The following SRGAP3 variants were observed in gnomAD, a reference collection of about 807,000 sequenced individuals.
The protein encoded by SRGAP3 is SLIT-ROBO Rho GTPase activating protein 3, also known as SLIT-ROBO Rho GTPase-activating protein 3.
SRGAP3 carries 39 observed loss-of-function variants against 121.1 expected under a neutral mutation model. That is an observed-to-expected ratio of 0.32 (90% confidence interval 0.25 to 0.42). SRGAP3 has a LOEUF of 0.42. Ranked by LOEUF, SRGAP3 falls within the 10% of genes least tolerant of loss-of-function variation. The pLI is 1.00. For synonymous variants in SRGAP3, 601 were observed against 570.0 expected, an observed-to-expected ratio of 1.05 and a Z score of -0.77; for missense variants, 1,213 against 1,470.6, an observed-to-expected ratio of 0.82 and a Z score of 2.86.
At chr3:9,316,739 A>C (rs896708599) in intron 3 of SRGAP3, among the ~76,000 whole-genome samples, 1 of 152,190 alleles carries the variant, frequency 6.6e-6, no homozygotes, top group Non-Finnish European at 1.5e-5. Context: ...TGTCCATCTG[A>C]AGGAATGCAT....
At chr3:8,986,069 G>C in intron 21 of SRGAP3, 137 bp from the exon 22 acceptor site, 1 of 1,518,734 alleles carries the variant, frequency 6.6e-7, no homozygotes, top group Non-Finnish European at 8.8e-7. Context: ...TCCTCAGGAT[G>C]TCTTATAACC....
chr3:9,122,955 A>G (rs1949070386), intron 2 of SRGAP3, among the ~76,000 whole-genome samples: 1 of 152,154 alleles, frequency 6.6e-6, no homozygotes, highest in Non-Finnish European at 1.5e-5. Context: ...CCAACAGATG[A>G]CCAAACAAAC....
intron 3 of SRGAP3, among the ~76,000 whole-genome samples, chr3:9,085,330 T>C (rs1947418034): frequency 6.6e-6 from 1 of 152,222 alleles, no homozygotes. Flanking sequence ...AGTCATTCCA[T>C]CTTCAGAACT....
chr3:9,328,089 A>C (rs1031942600), intron 2 of SRGAP3, among the ~76,000 whole-genome samples: 1 of 152,228 alleles, frequency 6.6e-6, no homozygotes, highest in African/African-American at 2.4e-5. Flanking sequence ...GCCCTGCATA[A>C]TTTAGATAAA....
At chr3:9,170,039 TTTG>T (rs1950919693) in intron 1 of SRGAP3, among the ~76,000 whole-genome samples, 1 of 152,190 alleles carries the variant, frequency 6.6e-6, no homozygotes, top group Non-Finnish European at 1.5e-5. Context: ...TGTGTTGACA[TTTG>T]TTAAGAGGAC....
At chr3:9,259,143 C>T (rs948150914) in intron 3 of SRGAP3, among the ~76,000 whole-genome samples, 30 of 152,146 alleles carry the variant, frequency 2.0e-4, no homozygotes, top group Admixed American at 1.0e-3. Flanking sequence ...CTGGCTCCTG[C>T]GTCGCCTTCT....
At chr3:9,166,383 C>A (rs966960427) in intron 1 of SRGAP3, among the ~76,000 whole-genome samples, 1 of 152,170 alleles carries the variant, frequency 6.6e-6, no homozygotes, top group African/African-American at 2.4e-5. Flanking sequence ...ATTTGGTTAT[C>A]CTCTTTGTTC....
chr3:9,291,293 A>G (rs1954864464), intron 3 of SRGAP3, among the ~76,000 whole-genome samples: 1 of 152,206 alleles, frequency 6.6e-6, no homozygotes, highest in South Asian at 2.1e-4. Flanking sequence ...GCCTGAAGAG[A>G]TTACAAAACC....
chr3:9,047,402 G>T lies in SRGAP3; in HGVS notation c.1397C>A (p.Thr466Asn). The change falls in exon 10 of 22, where the codon ACC (threonine) becomes AAC (asparagine). Residue 466 changes from threonine to asparagine, a missense_variant. Physicochemically the swap from Thr to Asn is moderately conservative, Grantham distance 65. Transcript: ENST00000383836. ...LQAKHDLLKQ[T>N]LGEGERAECG... ...ACCAGCCCACTCACCTTCGCCCAGG[G>T]TCTGCTTGAGTAAATCGTGCTTGGC... is the stretch of plus-strand genomic sequence containing the variant. The T allele has an allele frequency of 6.2e-7, 1 of 1,614,160 alleles. No homozygotes were observed. Among genetic ancestry groups the T allele is most frequent in the Non-Finnish European group, 8.5e-7 (1 of 1,180,024 alleles).
At chr3:9,310,495 C>T (rs547958681) in intron 3 of SRGAP3, among the ~76,000 whole-genome samples, 4 of 152,138 alleles carry the variant, frequency 2.6e-5, no homozygotes, top group South Asian at 4.2e-4. Flanking sequence ...GCAACCCGAT[C>T]AGGGCCAATG....
Position 8,990,638 on chromosome 3 carries a change from A to C in SRGAP3, c.2760T>G (p.Ala920=). 1 of 1,613,540 alleles carries C rather than the reference A, an allele frequency of 6.2e-7. No individual in the cohort carries two copies. Among genetic ancestry groups the C allele is most frequent in the African/African-American group, 1.3e-5 (1 of 75,046 alleles). ...TCTTGTCAGGGTAGTTGATGCTGCC[A>C]GCGCTCCCGAACGTCGCCATCCTCC... is the stretch of plus-strand genomic sequence containing the variant. ...EKRRMATFGS[A]GSINYPDKKA... Residue 920 remains alanine, a synonymous_variant, in exon 21 of 22, where the codon GCT becomes GCG. Transcript: ENST00000383836.
At chr3:9,141,551 GGGGTGT>G (rs1219273558) in intron 1 of SRGAP3, among the ~76,000 whole-genome samples, 1,485 of 117,620 alleles carry the variant, frequency 0.013, 38 homozygotes, top group African/African-American at 0.056. Flanking sequence ...TCTGACTTCA[GGGGTGT>G]GTGTGTGTGT....
At chr3:9,061,026 G>A (rs1352485562) in intron 5 of SRGAP3, among the ~76,000 whole-genome samples, 4 of 152,228 alleles carry the variant, frequency 2.6e-5, no homozygotes, top group African/African-American at 9.6e-5. Flanking sequence ...GAGGTTAGGA[G>A]AGCAAGACCA....
chr3:9,279,808 C>T (rs1042996617), intron 3 of SRGAP3, among the ~76,000 whole-genome samples: 1 of 152,096 alleles, frequency 6.6e-6, no homozygotes, highest in Admixed American at 6.6e-5. Context: ...CCACTGCACC[C>T]GACCACAAAC....
chr3:9,328,475 A>C (rs1278214761), intron 2 of SRGAP3, among the ~76,000 whole-genome samples: 2 of 152,202 alleles, frequency 1.3e-5, no homozygotes, highest in Non-Finnish European at 2.9e-5. Flanking sequence ...CTTTTAATTA[A>C]GCTGACTTTT....
At chr3:9,321,093 A>C (rs1466349711) in intron 3 of SRGAP3, among the ~76,000 whole-genome samples, 2 of 151,842 alleles carry the variant, frequency 1.3e-5, no homozygotes, top group African/African-American at 2.4e-5. Flanking sequence ...TTTGGAACCA[A>C]GGTGTCATAT....
chr3:9,279,246 G>C (rs1954635766), intron 3 of SRGAP3, among the ~76,000 whole-genome samples: 1 of 152,216 alleles, frequency 6.6e-6, no homozygotes, highest in Non-Finnish European at 1.5e-5. Flanking sequence ...AGTCATCGAA[G>C]AGGGGTGGGA....
chr3:9,040,627 A>G (rs556227410), intron 10 of SRGAP3, among the ~76,000 whole-genome samples: 163 of 152,074 alleles, frequency 1.1e-3, no homozygotes, highest in Non-Finnish European at 1.9e-3. Context: ...GCAGTGGTGC[A>G]ATCACAGCTC....
intron 1 of SRGAP3, among the ~76,000 whole-genome samples, chr3:9,232,351 G>A (rs1953242720): frequency 6.6e-6 from 1 of 152,020 alleles, no homozygotes; most frequent in South Asian, 2.1e-4. Context: ...AATCAAAATT[G>A]AACAGTATAA....
Sources: allele counts gnomAD v4.1 joint callset (sites outside exome capture counted in the v4.1 genomes callset), GRCh38; gene constraint gnomAD v4.1.1; transcripts MANE v1.5; gene names NCBI Gene and HGNC (gene_info 2026-07-23, HGNC 2026-07-21).